The following C1QTNF3 variants were observed in gnomAD, a reference collection of about 807,000 sequenced individuals.
C1QTNF3 encodes the protein C1q and TNF related 3, also known as complement C1q tumor necrosis factor-related protein 3.
Under a neutral mutation model 32.6 loss-of-function variants are expected in C1QTNF3, and 26 were observed. That is an observed-to-expected ratio of 0.80 (90% CI 0.58 to 1.11). The LOEUF (loss-of-function observed/expected upper bound fraction) is 1.11, where lower values mean the gene tolerates loss of function less well. Among genes scored for constraint, C1QTNF3 ranks in the 50% least tolerant of loss-of-function variants. The pLI is 0.00. For synonymous variants in C1QTNF3, 155 were observed against 146.0 expected, an observed-to-expected ratio of 1.06 and a Z score of -0.44; for missense variants, 362 against 398.2, an observed-to-expected ratio of 0.91 and a Z score of 0.77.
the C1QTNF3 span, chr5:34,165,830 T>C: frequency 6.7e-6 from 1 of 149,092 alleles, no homozygotes; most frequent in Admixed American, 6.8e-5. Flanking sequence ...TTTTCCAAAC[T>C]CCATGAGCTG....
At chr5:34,177,318 A>C in the C1QTNF3 span, among the ~76,000 whole-genome samples, 2 of 152,016 alleles carry the variant, frequency 1.3e-5, no homozygotes, top group African/African-American at 2.4e-5. Context: ...CATCATTGCA[A>C]AGGTTCTTTT....
chr5:34,201,472 G>A, the C1QTNF3 span, among the ~76,000 whole-genome samples: 109 of 152,060 alleles, frequency 7.2e-4, no homozygotes, highest in African/African-American at 2.4e-3. Context: ...TTCTAGGCTC[G>A]TTGCTTAAAC....
chr5:34,048,285 T>TGC, the C1QTNF3 span, among the ~76,000 whole-genome samples: 2 of 98,412 alleles, frequency 2.0e-5, no homozygotes, highest in African/African-American at 7.0e-5. Flanking sequence ...TGTGTGTGTG[T>TGC]GCATGAGAGA....
chr5:34,029,149 T>C (rs1207246377), intron 3 of C1QTNF3: 6 of 242,596 alleles, frequency 2.5e-5, no homozygotes, highest in Non-Finnish European at 4.7e-5. Context: ...AAAATTCTGT[T>C]ATCAAATAAT....
the C1QTNF3 span, among the ~76,000 whole-genome samples, chr5:34,162,714 G>C: frequency 6.6e-6 from 1 of 152,150 alleles, no homozygotes; most frequent in Admixed American, 6.6e-5. Flanking sequence ...TGGTTTATCT[G>C]AGCAGGGTAA....
chr5:34,170,623 T>G, the C1QTNF3 span, among the ~76,000 whole-genome samples: 3 of 152,154 alleles, frequency 2.0e-5, no homozygotes, highest in Admixed American at 1.3e-4. Context: ...TAGCTGTTAA[T>G]AAAGTGCTCT....
the C1QTNF3 span, among the ~76,000 whole-genome samples, chr5:34,146,474 G>A: frequency 2.0e-5 from 3 of 152,104 alleles, no homozygotes; most frequent in South Asian, 6.2e-4. Context: ...CACACATGTA[G>A]ATCAATGGTA....
chr5:34,111,093 G>C, the C1QTNF3 span, among the ~76,000 whole-genome samples: 28 of 152,100 alleles, frequency 1.8e-4, no homozygotes, highest in African/African-American at 6.0e-4. Flanking sequence ...GATGGCTCTT[G>C]AAAGTATAAA....
chr5:34,203,350 C>G, the C1QTNF3 span, among the ~76,000 whole-genome samples: 2 of 152,088 alleles, frequency 1.3e-5, no homozygotes, highest in African/African-American at 4.8e-5. Context: ...TAATATTAAC[C>G]TTGAATGTAA....
At chr5:34,228,410 C>A in the C1QTNF3 span, among the ~76,000 whole-genome samples, 18 of 151,490 alleles carry the variant, frequency 1.2e-4, no homozygotes, top group Non-Finnish European at 2.1e-4. Context: ...ACCTTGTCTT[C>A]TAAGAGACAC....
At chr5:34,213,810 T>TATATATATATATAGATATATATATA in the C1QTNF3 span, among the ~76,000 whole-genome samples, 1 of 13,660 alleles carries the variant, frequency 7.3e-5, no homozygotes, top group Non-Finnish European at 1.4e-4. Flanking sequence ...TATATATATA[T>TATATATATATATAGATATATATATA]TTTTTTTTTT....
the C1QTNF3 span, among the ~76,000 whole-genome samples, chr5:34,238,010 C>G: frequency 5.3e-5 from 8 of 152,334 alleles, no homozygotes; most frequent in African/African-American, 1.9e-4. Flanking sequence ...ACATCCCAAA[C>G]TACAACATCA....
chr5:34,061,647 G>A, the C1QTNF3 span, among the ~76,000 whole-genome samples: 1 of 152,188 alleles, frequency 6.6e-6, no homozygotes, highest in Non-Finnish European at 1.5e-5. Flanking sequence ...TGCACCCTCT[G>A]AAGCCATGGC....
At chr5:34,214,758 A>G in the C1QTNF3 span, among the ~76,000 whole-genome samples, 4 of 152,144 alleles carry the variant, frequency 2.6e-5, no homozygotes, top group African/African-American at 7.2e-5. Context: ...TCTAACGTAA[A>G]AAGACCTTAG....
upstream of C1QTNF3, among the ~76,000 whole-genome samples, chr5:34,044,815 G>A (rs545927687): frequency 7.6e-4 from 116 of 152,290 alleles, 2 homozygotes; most frequent in African/African-American, 2.6e-3. Flanking sequence ...CTACCCTTGA[G>A]CATCTAAACC....
the C1QTNF3 span, among the ~76,000 whole-genome samples, chr5:34,218,071 C>T: frequency 1.3e-5 from 2 of 150,286 alleles, no homozygotes; most frequent in African/African-American, 4.9e-5. Context: ...GAAAGGACAA[C>T]ATAAAGACAA....
the C1QTNF3 span, chr5:34,124,584 G>C: frequency 5.1e-6 from 3 of 585,502 alleles, no homozygotes; most frequent in African/African-American, 1.9e-5. Flanking sequence ...ACAGCACTAA[G>C]GGGATGGTAT....
At chr5:34,109,369 A>C in the C1QTNF3 span, among the ~76,000 whole-genome samples, 1 of 151,758 alleles carries the variant, frequency 6.6e-6, no homozygotes, top group African/African-American at 2.4e-5. Context: ...TACAAGGACA[A>C]AGATCATGCA....
At chr5:34,155,814 C>CATT in the C1QTNF3 span, among the ~76,000 whole-genome samples, 75,769 of 151,366 alleles carry the variant, frequency 0.5, 20,727 homozygotes, top group Non-Finnish European at 0.61. Flanking sequence ...TATATTAAAC[C>CATT]ATTATTAACA....
Sources: gnomAD v4.1 joint callset for allele counts (sites outside exome capture counted in the v4.1 genomes callset) on GRCh38, gnomAD v4.1.1 for gene constraint, MANE v1.5 for transcripts, NCBI Gene and HGNC (gene_info 2026-07-23, HGNC 2026-07-21) for gene names.